Variants in DHX33 observed in about 807,000 individuals in gnomAD.
DHX33 encodes the protein ATP-dependent RNA helicase DHX33.
Under a neutral mutation model 72.5 loss-of-function variants are expected in DHX33, and 42 were observed. The ratio of observed to expected loss-of-function variants is 0.58; its 90% CI spans 0.45 to 0.75. DHX33 has a LOEUF of 0.75. Ranked by LOEUF, DHX33 falls within the 30% of genes least tolerant of loss-of-function variation. DHX33 has a pLI of 0.00. For missense variants in DHX33, 842 were observed against 917.5 expected, an observed-to-expected ratio of 0.92 and a Z score of 1.06; for synonymous variants, 358 against 366.1, an observed-to-expected ratio of 0.98 and a Z score of 0.25.
intron 5 of DHX33, 112 bp downstream of exon 5, chr17:5,455,884 TG>T: frequency 1.7e-6 from 2 of 1,180,002 alleles, no homozygotes; most frequent in Non-Finnish European, 1.2e-6. Flanking sequence ...ATCTGGCACC[TG>T]GGTATCCCAT....
intron 11 of DHX33, among the ~76,000 whole-genome samples, chr17:5,447,620 G>A (rs568382805): frequency 6.1e-5 from 9 of 147,436 alleles, no homozygotes; most frequent in South Asian, 4.4e-4. Flanking sequence ...GCAAAACTCC[G>A]TCTCAAAAAA....
Position 5,444,553 on chromosome 17 carries a change from C to A in DHX33, c.1816-40G>T, listed in dbSNP as rs369505725. 22 of 1,588,606 alleles carry A rather than the reference C, an allele frequency of 1.4e-5. No individual in the cohort carries two copies. The highest frequency in any genetic ancestry group is 1.4e-5 in the Non-Finnish European group (16 of 1,167,338). Reference sequence around the variant, plus strand: ...AGCGAGGAATGGAGCCGACCCCACACGTAAACACTGGTCAGCACTACACAG... The same window carrying A: ...AGCGAGGAATGGAGCCGACCCCACAAGTAAACACTGGTCAGCACTACACAG... On this transcript the variant is annotated intron_variant, in intron 11 of 11. Transcript: ENST00000225296. The surrounding 1 kb of genome is among the most constrained non-coding windows in gnomAD (Gnocchi z 4.9).
chr17:5,450,663 A>T (rs1567598398), intron 9 of DHX33, 144 bp downstream of exon 9: 1 of 1,292,628 alleles, frequency 7.7e-7, no homozygotes. Context: ...ACTGAACATG[A>T]ATCAGGGCTA....
chr17:5,455,411 A>G, intron 5 of DHX33, 140 bp from the exon 6 acceptor site: 1 of 718,846 alleles, frequency 1.4e-6, no homozygotes, highest in South Asian at 1.8e-5. Flanking sequence ...AGTCATTAAT[A>G]TTAATGGTTG....
chr17:5,463,704 G>T lies in DHX33; in HGVS notation c.290-15C>A, dbSNP rs766065084. 2.2e-6 allele frequency: 3 copies of T among 1,347,232 alleles called. No individual in the cohort carries two copies. Among genetic ancestry groups the T allele is most frequent in the Non-Finnish European group, 3.0e-6 (3 of 991,614 alleles). The allele number at this position is 1,347,232 out of a possible 1,614,324, so 83.5% of individuals were successfully genotyped here. A position where few individuals can be genotyped will look rare whatever the true frequency, so the allele number is the denominator to read the frequency against. On this transcript the variant is annotated splice_polypyrimidine_tract_variant and intron_variant, in intron 1 of 11. Transcript: ENST00000225296. Reference sequence around the variant, plus strand: ...GCCAGTTTCCCCTAGGAGAGAGGGGGAAAAAAAAAAAAGGCTCACTGAAAT... The same window carrying T: ...GCCAGTTTCCCCTAGGAGAGAGGGGTAAAAAAAAAAAAGGCTCACTGAAAT...
intron 3 of DHX33, 194 bp from the exon 4 acceptor site, chr17:5,461,303 CTTCTTT>C: frequency 5.3e-5 from 23 of 432,390 alleles, no homozygotes; most frequent in South Asian, 1.3e-4. Context: ...CTTTCCTTTC[CTTCTTT>C]TTTTTTTTTT....
chr17:5,460,821 G>T (rs1904563387), intron 4 of DHX33, 118 bp downstream of exon 4: 1 of 1,275,924 alleles, frequency 7.8e-7, no homozygotes, highest in South Asian at 1.5e-5. Context: ...TATTCATCTT[G>T]ATGACACAAC....
chr17:5,467,043 C>A (rs1904902792), intron 1 of DHX33, among the ~76,000 whole-genome samples: 1 of 152,164 alleles, frequency 6.6e-6, no homozygotes, highest in South Asian at 2.1e-4. Flanking sequence ...ACGCCTCTTT[C>A]TATATCAACC....
intron 9 of DHX33, 61 bp from the exon 10 acceptor site, chr17:5,450,467 T>C (rs1018933467): frequency 3.9e-6 from 6 of 1,542,672 alleles, no homozygotes; most frequent in Non-Finnish European, 5.3e-6. Context: ...GAATGCACTA[T>C]TTCTGTACAT....
At chr17:5,460,704 A>G (rs1488721453) in intron 4 of DHX33, among the ~76,000 whole-genome samples, 1 of 151,756 alleles carries the variant, frequency 6.6e-6, no homozygotes, top group Non-Finnish European at 1.5e-5. Flanking sequence ...ATGGGGTTTC[A>G]CCATGTTGGC....
rs768327820 is a variant in DHX33, at chr17:5,450,341, A to C, written c.1590T>G (p.Ser530=). ...GAGGGTTGTGGAGGACGCTGTCCAC[A>C]GACAGCAGGGAGACAATGGTCAGGA... ...EEILTIVSLL[S]VDSVLHNPPS... The change falls in exon 10 of 12, where the codon TCT becomes TCG. Residue 530 remains serine (S), a synonymous_variant. Transcript: ENST00000225296. 3 of 1,614,174 alleles carry C rather than the reference A, an allele frequency of 1.9e-6. No homozygotes were observed. The highest frequency in any genetic ancestry group is 1.7e-5 in the Admixed American group (1 of 60,022).
intron 2 of DHX33, among the ~76,000 whole-genome samples, chr17:5,463,049 A>T (rs1005341078): frequency 1.3e-5 from 2 of 152,108 alleles, no homozygotes; most frequent in Non-Finnish European, 2.9e-5. Flanking sequence ...ACTGCACCTC[A>T]GCCTGGGCGA....
chr17:5,450,864 G>A lies in DHX33; in HGVS notation c.1467C>T (p.Thr489=). The part of the protein sequence containing the change: ...GALEHKDDQL[T]LTPMGRKMAA... ...CCATCTTTCTTCCCATTGGAGTCAGGGTAAGCTGGTCATCCTTATGTTCAA... is the reference window on the plus strand; with the variant it reads ...CCATCTTTCTTCCCATTGGAGTCAGAGTAAGCTGGTCATCCTTATGTTCAA... The change falls in exon 9 of 12, where the codon ACC becomes ACT. Residue 489 remains threonine, a synonymous_variant. Coordinates refer to ENST00000225296, the MANE Select transcript of DHX33 (RefSeq NM_020162.4). 1 of 1,614,158 alleles carries A rather than the reference G, an allele frequency of 6.2e-7. No individual in the cohort carries two copies. Among genetic ancestry groups the A allele is most frequent in the Non-Finnish European group, 8.5e-7 (1 of 1,180,034 alleles).
At chr17:5,446,397 C>T (rs1916659584) in intron 11 of DHX33, among the ~76,000 whole-genome samples, 1 of 152,198 alleles carries the variant, frequency 6.6e-6, no homozygotes, top group South Asian at 2.1e-4. Context: ...TTACCACTCA[C>T]TGGCTGAGTG....
chr17:5,453,351 C>T (rs1917036397), intron 8 of DHX33, among the ~76,000 whole-genome samples: 1 of 152,166 alleles, frequency 6.6e-6, no homozygotes, highest in Non-Finnish European at 1.5e-5. Context: ...TGAATAGTCA[C>T]TGCACCTCCA....
chr17:5,454,027 T>C, intron 6 of DHX33, 47 bp from the exon 7 acceptor site: 2 of 1,597,296 alleles, frequency 1.3e-6, no homozygotes, highest in Non-Finnish European at 1.7e-6. Flanking sequence ...ATGAACAAAC[T>C]CTTTCTACAG....
intron 8 of DHX33, among the ~76,000 whole-genome samples, chr17:5,452,713 T>G (rs1916995739): frequency 6.6e-6 from 1 of 152,186 alleles, no homozygotes; most frequent in Admixed American, 6.5e-5. Context: ...AGTGAGACCC[T>G]GTCTCAAAAA....
rs75030509 is a variant in DHX33 at position 5,461,573 on chromosome 17, G to A, written c.679-464C>T. On this transcript the variant is annotated intron_variant, in intron 3 of 11. Coordinates refer to ENST00000225296, the MANE Select transcript of DHX33 (RefSeq NM_020162.4). ...GCGGAGCTTGCAGTGAGCTGAGATC[G>A]CGTCACCACGCTGCAGCCTGGGTAA... 1.9e-3 allele frequency among the ~76,000 whole-genome samples: 288 copies of A among 150,488 alleles called. 4 individuals are homozygous for A. In the East Asian group the frequency reaches 0.027, roughly 14 times the overall value.
At chr17:5,450,172 C>CA (rs200903851) in intron 10 of DHX33, 31 bp downstream of exon 10, 24,001 of 1,611,880 alleles carry the variant, frequency 0.015, 272 homozygotes, top group Middle Eastern at 0.035. Flanking sequence ...AAGCAGCTAT[C>CA]GCTGGAGAAC....
Sources: allele counts gnomAD v4.1 joint callset (sites outside exome capture counted in the v4.1 genomes callset), GRCh38; gene constraint gnomAD v4.1.1; non-coding constraint Gnocchi (gnomAD v3.1); transcripts MANE v1.5; gene names NCBI Gene and HGNC (gene_info 2026-07-23, HGNC 2026-07-21).